The following LRP1B variants were observed in gnomAD, a reference collection of about 807,000 sequenced individuals.
LRP1B encodes the protein low-density lipoprotein receptor-related protein 1B.
In LRP1B, 217 loss-of-function variants were observed where a neutral mutation model predicts 556.6. The observed-to-expected ratio is 0.39, with a 90% confidence interval of 0.35 to 0.44. The LOEUF is 0.44. Among genes scored for constraint, LRP1B ranks in the 20% least tolerant of loss-of-function variants. The pLI, the probability that LRP1B is intolerant of heterozygous loss-of-function variation, is 1.00. For missense variants in LRP1B, 5,053 were observed against 5,620.8 expected, an observed-to-expected ratio of 0.90 and a Z score of 3.23; for synonymous variants, 2,047 against 1,865.8, an observed-to-expected ratio of 1.10 and a Z score of -2.50.
intron 1 of LRP1B, among the ~76,000 whole-genome samples, chr2:141,909,695 A>G (rs1398909499): frequency 6.6e-6 from 1 of 151,914 alleles, no homozygotes; most frequent in Non-Finnish European, 1.5e-5. Flanking sequence ...GGAAAAACAT[A>G]ATAACTACTG....
intron 37 of LRP1B, among the ~76,000 whole-genome samples, chr2:140,707,960 T>G (rs1238737898): frequency 6.6e-6 from 1 of 152,096 alleles, no homozygotes; most frequent in Non-Finnish European, 1.5e-5. Context: ...GTTTTGTGGT[T>G]GGTTCTCAAA....
In LRP1B at chr2:140,511,541, T is replaced by C. The variant is rs371478648; in HGVS notation, c.8270-1485A>G. Among the ~76,000 whole-genome samples, 345 of 152,212 alleles carry C rather than the reference T, an allele frequency of 2.3e-3. 1 individual carries two copies. The highest frequency in any genetic ancestry group is 7.8e-3 in the African/African-American group (326 of 41,548). On this transcript the variant is annotated intron_variant, in intron 51 of 90. Coordinates refer to ENST00000389484, the MANE Select transcript of LRP1B (RefSeq NM_018557.3). Reference sequence around the variant, plus strand: ...TGGTCTCAATATCCTGACCTCGTGATCCGCCCGCCTCGGTCTCCCAAAGTG... The same window carrying C: ...TGGTCTCAATATCCTGACCTCGTGACCCGCCCGCCTCGGTCTCCCAAAGTG...
intron 1 of LRP1B, among the ~76,000 whole-genome samples, chr2:142,016,984 GTA>G (rs1235950152): frequency 6.6e-6 from 1 of 150,612 alleles, no homozygotes; most frequent in Non-Finnish European, 1.5e-5. Context: ...ATACATATAT[GTA>G]TGTGTGTGTG....
intron 60 of LRP1B, among the ~76,000 whole-genome samples, chr2:140,464,882 G>T (rs1573968632): frequency 6.6e-6 from 1 of 152,048 alleles, no homozygotes; most frequent in Admixed American, 6.6e-5. Flanking sequence ...TTTAGTATCT[G>T]GTCTTCTCAT....
chr2:140,282,027 T>C (rs1416077622), intron 84 of LRP1B, among the ~76,000 whole-genome samples: 1 of 151,856 alleles, frequency 6.6e-6, no homozygotes, highest in Non-Finnish European at 1.5e-5. Context: ...TTTGAGGTAC[T>C]GGAAGCCTAA....
intron 2 of LRP1B, among the ~76,000 whole-genome samples, chr2:141,565,870 A>G (rs1242476820): frequency 6.6e-6 from 1 of 152,164 alleles, no homozygotes; most frequent in Admixed American, 6.5e-5. Context: ...CTTAAGGTCA[A>G]TCATAATTGA....
intron 3 of LRP1B, among the ~76,000 whole-genome samples, chr2:141,274,833 A>G (rs188644709): frequency 6.6e-6 from 1 of 152,330 alleles, no homozygotes; most frequent in African/African-American, 2.4e-5. Context: ...TTAAATTCTA[A>G]TATATAATGA....
At chr2:141,292,057 T>G (rs1179655701) in intron 3 of LRP1B, among the ~76,000 whole-genome samples, 1 of 152,090 alleles carries the variant, frequency 6.6e-6, no homozygotes, top group Non-Finnish European at 1.5e-5. Flanking sequence ...TGAGCATGGG[T>G]GAGGTAGCAT....
At chr2:141,515,009 AAG>A (rs111334501) in intron 2 of LRP1B, among the ~76,000 whole-genome samples, 107,028 of 151,920 alleles carry the variant, frequency 0.7, 38,828 homozygotes, top group Admixed American at 0.79. Flanking sequence ...CACCAGGATA[AAG>A]AAATATTCCA....
At chr2:141,965,818 ATTG>A (rs1441035902) in intron 1 of LRP1B, among the ~76,000 whole-genome samples, 43 of 149,058 alleles carry the variant, frequency 2.9e-4, no homozygotes, top group Admixed American at 1.1e-3. Context: ...AAAAAAGAAA[ATTG>A]TTTTTTTTTT....
At chr2:141,200,459 A>T (rs531982285) in intron 6 of LRP1B, among the ~76,000 whole-genome samples, 3 of 152,132 alleles carry the variant, frequency 2.0e-5, no homozygotes, top group Admixed American at 6.5e-5. Context: ...TGATGAAATC[A>T]TCTTTCAGAC....
intron 41 of LRP1B, among the ~76,000 whole-genome samples, chr2:140,649,818 G>A (rs984056331): frequency 3.9e-5 from 6 of 152,108 alleles, no homozygotes; most frequent in African/African-American, 1.4e-4. Flanking sequence ...TACATTTTTT[G>A]ACTCCTTAAG....
In LRP1B at chr2:140,487,336, A is replaced by G. The variant is rs551918366; in HGVS notation, c.9243+281T>C. Reference sequence around the variant, plus strand: ...TTGCAGGCACTAATCCTTCTAGCTGAAAGCACCCATCCCATTTCCTAGGGT... The same window carrying G: ...TTGCAGGCACTAATCCTTCTAGCTGGAAGCACCCATCCCATTTCCTAGGGT... On this transcript the variant is annotated intron_variant, in intron 58 of 90. Coordinates refer to ENST00000389484, the MANE Select transcript of LRP1B (RefSeq NM_018557.3). Among the ~76,000 whole-genome samples the G allele has an allele frequency of 2.0e-5, 3 of 152,088 alleles. No individual in the cohort carries two copies. In the East Asian group the frequency reaches 5.8e-4, roughly 29 times the overall value.
At chr2:141,816,942 G>GAGGGA (rs1273034010) in intron 1 of LRP1B, among the ~76,000 whole-genome samples, 6 of 151,924 alleles carry the variant, frequency 3.9e-5, no homozygotes, top group Non-Finnish European at 8.8e-5. Context: ...GGAAATCTCA[G>GAGGGA]TTAAAAATAG....
At chr2:141,612,150 G>A (rs916401604) in intron 2 of LRP1B, among the ~76,000 whole-genome samples, 1 of 152,152 alleles carries the variant, frequency 6.6e-6, no homozygotes, top group Non-Finnish European at 1.5e-5. Flanking sequence ...TTCAGAATTA[G>A]TCATCCAGGA....
chr2:140,275,454 G>C (rs2104954654), intron 84 of LRP1B, among the ~76,000 whole-genome samples: 1 of 152,100 alleles, frequency 6.6e-6, no homozygotes, highest in East Asian at 1.9e-4. Context: ...CTGCTGTAAT[G>C]ACGGTCTCAA....
At chr2:140,394,124 ATTTTTTTTT>A (rs34965660) in intron 66 of LRP1B, among the ~76,000 whole-genome samples, 2 of 122,506 alleles carry the variant, frequency 1.6e-5, no homozygotes, top group African/African-American at 6.1e-5. Context: ...ACTGGCACAT[ATTTTTTTTT>A]TTTTTTTTTT....
rs1553521014 is a variant in LRP1B, at chr2:141,492,079, G to GAAAAAAAAAAAAAAAA, written c.206-11547_206-11546insTTTTTTTTTTTTTTTT. ...CTTGAAAGTCACTATTTAGCTTTCTGAAAAAAAAAAAACACTAAGAAAACC... is the reference window on the plus strand; with the variant it reads ...CTTGAAAGTCACTATTTAGCTTTCTGAAAAAAAAAAAAAAAAAAAAAAAAAAAACACTAAGAAAACC... On this transcript the variant is annotated intron_variant, in intron 2 of 90. Coordinates refer to ENST00000389484, the MANE Select transcript of LRP1B (RefSeq NM_018557.3). Among the ~76,000 whole-genome samples, 12 of 8,058 alleles carry GAAAAAAAAAAAAAAAA rather than the reference G, an allele frequency of 1.5e-3. 1 individual carries two copies. Among genetic ancestry groups the GAAAAAAAAAAAAAAAA allele is most frequent in the African/African-American group, 2.7e-3 (10 of 3,638 alleles). 5.3% of individuals were successfully genotyped at this position (8,058 alleles called of 152,430 possible). A position where few individuals can be genotyped will look rare whatever the true frequency, so the allele number is the denominator to read the frequency against.
At chr2:140,611,041 C>T (rs1683055261) in intron 41 of LRP1B, among the ~76,000 whole-genome samples, 2 of 152,158 alleles carry the variant, frequency 1.3e-5, no homozygotes, top group Non-Finnish European at 2.9e-5. Context: ...ATTATTATTA[C>T]ATTGCTCTAC....
Sources: gnomAD v4.1 joint callset for allele counts (sites outside exome capture counted in the v4.1 genomes callset) on GRCh38, gnomAD v4.1.1 for gene constraint, MANE v1.5 for transcripts, NCBI Gene and HGNC (gene_info 2026-07-23, HGNC 2026-07-21) for gene names.